PKNOX2: variants seen among roughly 807,000 people sequenced by gnomAD.
The protein encoded by PKNOX2 is PBX/knotted 1 homeobox 2, also known as homeobox protein PKNOX2.
PKNOX2 carries 14 observed loss-of-function variants against 53.1 expected under a neutral mutation model. That is an observed-to-expected ratio of 0.26 (90% CI 0.17 to 0.41). The LOEUF (loss-of-function observed/expected upper bound fraction) is 0.41. Ranked by LOEUF, PKNOX2 falls within the 10% of genes least tolerant of loss-of-function variation. PKNOX2 has a pLI of 1.00. For synonymous variants in PKNOX2, 257 were observed against 242.8 expected (o/e 1.06, Z -0.54); for missense variants, 496 against 602.8 (o/e 0.82, Z 1.85).
intron 4 of PKNOX2, among the ~76,000 whole-genome samples, chr11:125,361,400 C>A (rs141152293): frequency 3.9e-4 from 60 of 152,198 alleles, no homozygotes; most frequent in African/African-American, 1.2e-3. Flanking sequence ...AAGCACCTCG[C>A]CTATTTTTCA....
intron 2 of PKNOX2, among the ~76,000 whole-genome samples, chr11:125,286,432 T>C (rs1299466065): frequency 6.6e-6 from 1 of 152,260 alleles, no homozygotes; most frequent in African/African-American, 2.4e-5. Context: ...CAAAGTGAAT[T>C]TGGGGTAAAA....
At chr11:125,311,717 C>T (rs899946921) in intron 2 of PKNOX2, among the ~76,000 whole-genome samples, 1 of 152,140 alleles carries the variant, frequency 6.6e-6, no homozygotes, top group Non-Finnish European at 1.5e-5. Flanking sequence ...AACGTAGCCT[C>T]GAACACTCAT....
At chr11:125,429,866 T>A in intron 11 of PKNOX2, 97 bp from the exon 12 acceptor site, 1 of 1,374,170 alleles carries the variant, frequency 7.3e-7, no homozygotes, top group Non-Finnish European at 9.9e-7. Context: ...CGGTCTGCTC[T>A]GTGAAATGGA....
At chr11:125,235,606 C>A (rs1407940698) in intron 2 of PKNOX2, among the ~76,000 whole-genome samples, 1 of 152,236 alleles carries the variant, frequency 6.6e-6, no homozygotes, top group Non-Finnish European at 1.5e-5. Context: ...CCAGTAATAG[C>A]TTGACCTCTT....
chr11:125,399,476 G>A (rs1443728855), intron 7 of PKNOX2, among the ~76,000 whole-genome samples: 1 of 152,230 alleles, frequency 6.6e-6, no homozygotes, highest in Non-Finnish European at 1.5e-5. Context: ...AGAGATGCAA[G>A]ATAGGAGCTG....
chr11:125,392,811 G>A (rs548167049), intron 6 of PKNOX2, among the ~76,000 whole-genome samples: 34 of 152,216 alleles, frequency 2.2e-4, no homozygotes, highest in African/African-American at 5.5e-4. Context: ...AAGAAGGAAC[G>A]GGGAAGGGAA....
At chr11:125,275,846 G>T (rs1030639233) in intron 2 of PKNOX2, among the ~76,000 whole-genome samples, 3 of 152,170 alleles carry the variant, frequency 2.0e-5, no homozygotes, top group African/African-American at 7.2e-5. Flanking sequence ...CAGATGTCTG[G>T]GTGTCTGAAA....
intron 2 of PKNOX2, among the ~76,000 whole-genome samples, chr11:125,302,871 T>C (rs1167006373): frequency 6.6e-6 from 1 of 152,230 alleles, no homozygotes; most frequent in Non-Finnish European, 1.5e-5. Flanking sequence ...GGGAGAATCC[T>C]TGGAGGCGGC....
intron 8 of PKNOX2, 63 bp from the exon 9 acceptor site, chr11:125,410,716 C>T: frequency 7.8e-7 from 1 of 1,288,424 alleles, no homozygotes; most frequent in Admixed American, 1.7e-5. Flanking sequence ...ACTGGGAACC[C>T]TGCTTGCCCT....
At chr11:125,323,402 T>C (rs1031912320) in intron 2 of PKNOX2, among the ~76,000 whole-genome samples, 3 of 152,218 alleles carry the variant, frequency 2.0e-5, no homozygotes, top group African/African-American at 7.2e-5. Flanking sequence ...AGACATTTCA[T>C]TTCCCTTCCT....
chr11:125,401,371 G>A (rs1447455789), intron 7 of PKNOX2, among the ~76,000 whole-genome samples: 2 of 152,206 alleles, frequency 1.3e-5, no homozygotes, highest in African/African-American at 2.4e-5. Context: ...AGGGTACGAG[G>A]AGGCGGGAAA....
chr11:125,306,642 C>T (rs952292475), intron 2 of PKNOX2, among the ~76,000 whole-genome samples: 1 of 152,162 alleles, frequency 6.6e-6, no homozygotes, highest in Non-Finnish European at 1.5e-5. Context: ...AACGTTCCTT[C>T]GAGCAAATGT....
chr11:125,279,254 C>A (rs1001759236), intron 2 of PKNOX2, among the ~76,000 whole-genome samples: 2 of 152,170 alleles, frequency 1.3e-5, no homozygotes, highest in African/African-American at 4.8e-5. Flanking sequence ...CCTCTCAGAA[C>A]TGGGCCGTGG....
intron 1 of PKNOX2, among the ~76,000 whole-genome samples, chr11:125,199,553 T>G (rs1340565102): frequency 6.6e-6 from 1 of 152,222 alleles, no homozygotes; most frequent in Admixed American, 6.5e-5. Flanking sequence ...GCTTAAGATT[T>G]CCTGGGTTGG....
intron 2 of PKNOX2, among the ~76,000 whole-genome samples, chr11:125,289,178 C>G (rs535499204): frequency 5.9e-5 from 9 of 152,166 alleles, no homozygotes; most frequent in Non-Finnish European, 7.3e-5. Flanking sequence ...CGGGGCCCTG[C>G]TGACCAGGGG....
At chr11:125,371,438 G>A (rs1437947183) in intron 5 of PKNOX2, among the ~76,000 whole-genome samples, 1 of 152,162 alleles carries the variant, frequency 6.6e-6, no homozygotes, top group African/African-American at 2.4e-5. Flanking sequence ...CCATGCTGGT[G>A]AGGAGTCCGA....
intron 2 of PKNOX2, among the ~76,000 whole-genome samples, chr11:125,264,005 G>T (rs1945101337): frequency 6.6e-6 from 1 of 152,160 alleles, no homozygotes; most frequent in Admixed American, 6.5e-5. Context: ...CTCAGGGGAT[G>T]GGGGGCTAAT....
At chr11:125,386,273 A>G (rs1953623785) in intron 6 of PKNOX2, among the ~76,000 whole-genome samples, 1 of 152,236 alleles carries the variant, frequency 6.6e-6, no homozygotes, top group African/African-American at 2.4e-5. Context: ...GAGCATAACT[A>G]CAGTTTTATA....
chr11:125,355,815 G>A (rs945330170), intron 4 of PKNOX2, among the ~76,000 whole-genome samples: 7 of 151,978 alleles, frequency 4.6e-5, no homozygotes, highest in African/African-American at 1.7e-4. Flanking sequence ...CAACCACCCC[G>A]TCACTCCTTC....
Sources: allele counts gnomAD v4.1 joint callset (sites outside exome capture counted in the v4.1 genomes callset), GRCh38; gene constraint gnomAD v4.1.1; transcripts MANE v1.5; gene names NCBI Gene and HGNC (gene_info 2026-07-23, HGNC 2026-07-21).